NBEA: variants seen among roughly 807,000 people sequenced by gnomAD.
The protein encoded by NBEA is lysosomal-trafficking regulator 2.
NBEA carries 44 observed loss-of-function variants against 343.4 expected under a neutral mutation model. The observed-to-expected ratio is 0.13, with a 90% CI of 0.10 to 0.16. The LOEUF is 0.16. NBEA is among the 10% of genes least tolerant of loss of function. The pLI is 1.00. For synonymous variants in NBEA, 1,175 were observed against 1,238.7 expected (o/e 0.95, Z 1.08); for missense variants, 2,555 against 3,631.3 (o/e 0.70, Z 7.62).
At chr13:35,093,314 C>T (rs1413524323) in intron 10 of NBEA, among the ~76,000 whole-genome samples, 1 of 14,872 alleles carries the variant, frequency 6.7e-5, no homozygotes, top group Admixed American at 9.1e-4. Context: ...AACTGGTACA[C>T]CAAAAAAAAA....
In NBEA at chr13:35,472,530, C is replaced by T. The variant is rs1162348483; in HGVS notation, c.6579C>T (p.Asp2193=). 42 of 1,614,012 alleles carry T rather than the reference C, an allele frequency of 2.6e-5. No homozygotes were observed. The highest frequency in any genetic ancestry group is 3.4e-5 in the Non-Finnish European group (40 of 1,179,886). Residue 2193 remains aspartate (D), a synonymous_variant, in exon 41 of 59, where the codon GAC becomes GAT. Coordinates refer to ENST00000379939, the MANE Select transcript of NBEA (RefSeq NM_001385012.1). ...ATGATTCTGCCTTCAAGAAGATCGA[C>T]ACGAAAGTGAGTTAAAGCGATTCCA... ...DEDDSAFKKI[D]TKVLAYTEGL...
chr13:35,445,790 A>ATATATATATATT (rs2045977586), intron 39 of NBEA, among the ~76,000 whole-genome samples: 5 of 69,924 alleles, frequency 7.2e-5, no homozygotes, highest in Admixed American at 1.2e-4. Flanking sequence ...GTTTATATAT[A>ATATATATATATT]TATATATATA....
chr13:35,221,649 G>A (rs770385024), intron 33 of NBEA, among the ~76,000 whole-genome samples: 4 of 152,084 alleles, frequency 2.6e-5, no homozygotes, highest in African/African-American at 7.2e-5. Context: ...GTAAGCATTA[G>A]CAATCCTAAA....
At chr13:35,401,416 T>A (rs1252779978) in intron 38 of NBEA, among the ~76,000 whole-genome samples, 1 of 152,056 alleles carries the variant, frequency 6.6e-6, no homozygotes, top group Non-Finnish European at 1.5e-5. Context: ...CAATAAGTGT[T>A]ACTTAAATAA....
At chr13:35,367,453 C>G (rs989342063) in intron 38 of NBEA, among the ~76,000 whole-genome samples, 1 of 150,838 alleles carries the variant, frequency 6.6e-6, no homozygotes, top group African/African-American at 2.4e-5. Context: ...TTTTAACAGG[C>G]TTTCAAGTTG....
chr13:35,629,026 T>C (rs1269238552), intron 49 of NBEA, among the ~76,000 whole-genome samples: 5 of 152,220 alleles, frequency 3.3e-5, no homozygotes, highest in Admixed American at 3.3e-4. Flanking sequence ...TTCTTATGTG[T>C]TTTCAATCTG....
intron 11 of NBEA, among the ~76,000 whole-genome samples, chr13:35,104,247 C>A (rs962367540): frequency 2.0e-5 from 3 of 151,890 alleles, no homozygotes; most frequent in Non-Finnish European, 2.9e-5. Context: ...CAGAAATATT[C>A]TCCGATCATT....
intron 34 of NBEA, among the ~76,000 whole-genome samples, chr13:35,237,216 C>G (rs2075280174): frequency 6.6e-6 from 1 of 152,070 alleles, no homozygotes; most frequent in African/African-American, 2.4e-5. Flanking sequence ...GATCGTACCA[C>G]TGCACTCCAG....
chr13:35,296,001 A>AT (rs1338390273), intron 35 of NBEA, among the ~76,000 whole-genome samples: 2 of 152,314 alleles, frequency 1.3e-5, no homozygotes, highest in African/African-American at 4.8e-5. Flanking sequence ...CACACATCAC[A>AT]TAACACTTAT....
chr13:35,336,729 G>A (rs541219530), intron 36 of NBEA, among the ~76,000 whole-genome samples: 3 of 152,110 alleles, frequency 2.0e-5, no homozygotes, highest in Admixed American at 6.6e-5. Context: ...AACATGGATA[G>A]AGCTGGAGGC....
chr13:35,136,113 A>T (rs9592938), intron 17 of NBEA, among the ~76,000 whole-genome samples: 4,383 of 152,258 alleles, frequency 0.029, 83 homozygotes, highest in Non-Finnish European at 0.044. Flanking sequence ...CAGACAAGGA[A>T]AGCAGCATCA....
chr13:35,321,029 G>A (rs890274721), intron 36 of NBEA, among the ~76,000 whole-genome samples: 4 of 151,866 alleles, frequency 2.6e-5, no homozygotes, highest in African/African-American at 9.7e-5. Context: ...CCTTGCACTG[G>A]GTTAGAAAAT....
In NBEA at chr13:35,151,627, A is replaced by G. The variant is rs187015379; in HGVS notation, c.2446-4147A>G. On this transcript the variant is annotated intron_variant, in intron 18 of 58. Coordinates refer to ENST00000379939, the MANE Select transcript of NBEA (RefSeq NM_001385012.1). ...AACATTGTATAAGTTGTGAAGATGT[A>G]AAAATCTATCTTGATTATTTTGAAA... 2.7e-3 allele frequency among the ~76,000 whole-genome samples: 412 copies of G among 152,114 alleles called. 1 individual carries two copies. Among genetic ancestry groups the G allele is most frequent in the Non-Finnish European group, 2.5e-3 (169 of 67,990 alleles).
chr13:34,974,292 C>T (rs1397732055), intron 1 of NBEA, among the ~76,000 whole-genome samples: 1 of 152,204 alleles, frequency 6.6e-6, no homozygotes, highest in Non-Finnish European at 1.5e-5. Flanking sequence ...TGCACCATTG[C>T]TGCTTCTTGT....
At chr13:35,603,211 G>A (rs1047392650) in intron 47 of NBEA, among the ~76,000 whole-genome samples, 1 of 151,964 alleles carries the variant, frequency 6.6e-6, no homozygotes, top group African/African-American at 2.4e-5. Context: ...CAGATTTCTA[G>A]TCTTATTAAA....
chr13:35,258,932 T>C (rs1566531462), intron 34 of NBEA, among the ~76,000 whole-genome samples: 1 of 152,234 alleles, frequency 6.6e-6, no homozygotes, highest in Non-Finnish European at 1.5e-5. Context: ...TAGGGTAATA[T>C]AAGTGTTCTG....
chr13:35,620,467 C>T (rs777021972), intron 48 of NBEA, among the ~76,000 whole-genome samples: 9 of 151,908 alleles, frequency 5.9e-5, no homozygotes, highest in Non-Finnish European at 1.3e-4. Flanking sequence ...GGCCAGTGGG[C>T]CAGGAAAGGG....
intron 41 of NBEA, among the ~76,000 whole-genome samples, chr13:35,481,784 C>CAT (rs1301094565): frequency 6.6e-6 from 1 of 151,714 alleles, no homozygotes; most frequent in Non-Finnish European, 1.5e-5. Context: ...TATTTCCTAA[C>CAT]CTACAACATA....
chr13:35,299,059 A>C (rs2036356772), intron 35 of NBEA, among the ~76,000 whole-genome samples: 1 of 152,056 alleles, frequency 6.6e-6, no homozygotes, highest in African/African-American at 2.4e-5. Context: ...ATACTTACTG[A>C]CTTCAACTTA....
Sources: gnomAD v4.1 joint callset for allele counts (sites outside exome capture counted in the v4.1 genomes callset) on GRCh38, gnomAD v4.1.1 for gene constraint, MANE v1.5 for transcripts, NCBI Gene and HGNC (gene_info 2026-07-23, HGNC 2026-07-21) for gene names.